DMD: variants seen among roughly 807,000 people sequenced by gnomAD.
The protein encoded by DMD is mutant dystrophin.
Under a neutral mutation model 330.1 loss-of-function variants are expected in DMD, and 63 were observed. The ratio of observed to expected loss-of-function variants is 0.19; its 90% CI spans 0.16 to 0.24. The LOEUF (loss-of-function observed/expected upper bound fraction) is 0.24. Among genes scored for constraint, DMD ranks in the 10% least tolerant of loss-of-function variants. The pLI is 1.00. For synonymous variants in DMD, 1,223 were observed against 959.8 expected (o/e 1.27, Z -5.07); for missense variants, 3,344 against 2,684.1 (o/e 1.25, Z -5.43).
chrX:32,067,993 T>C (rs2096270763), intron 44 of DMD, among the ~76,000 whole-genome samples: 2 of 112,039 alleles, frequency 1.8e-5, no homozygotes, highest in African/African-American at 6.5e-5. Context: ...AGCATCCCCT[T>C]GTCTCTGCGG....
intron 1 of DMD, among the ~76,000 whole-genome samples, chrX:33,289,679 T>C (rs2053485577): frequency 9.0e-6 from 1 of 111,496 alleles, no homozygotes; most frequent in Admixed American, 9.6e-5. Flanking sequence ...TCCTTAAATA[T>C]AACATTCCAG....
At chrX:32,847,933 A>G (rs1041867998) in intron 3 of DMD, among the ~76,000 whole-genome samples, 3 of 112,435 alleles carry the variant, frequency 2.7e-5, no homozygotes, top group Non-Finnish European at 3.7e-5. Context: ...TGCCAACATC[A>G]TAAGTTTAGA....
intron 2 of DMD, among the ~76,000 whole-genome samples, chrX:32,981,074 G>A (rs750588861): frequency 5.4e-5 from 6 of 111,421 alleles, no homozygotes; most frequent in Non-Finnish European, 9.4e-5. Flanking sequence ...GTACATGGAG[G>A]GACAGGGAAA....
At chrX:31,850,367 AC>A (rs1453396366) in intron 48 of DMD, among the ~76,000 whole-genome samples, 1 of 112,265 alleles carries the variant, frequency 8.9e-6, no homozygotes, top group Non-Finnish European at 1.9e-5. Flanking sequence ...AAATCCTAAG[AC>A]ATTTGTGGAT....
chrX:31,442,099 T>C (rs1482119084), intron 60 of DMD, among the ~76,000 whole-genome samples: 2 of 111,937 alleles, frequency 1.8e-5, no homozygotes, highest in Non-Finnish European at 3.8e-5. Context: ...GTTAGAGTTA[T>C]ACAAGGAGAA....
rs192546404 is a variant in DMD at position 32,940,773 on chromosome X, C to T, written c.93+79366G>A. 6.3e-5 allele frequency among the ~76,000 whole-genome samples: 7 copies of T among 111,595 alleles called. No individual in the cohort carries two copies. In the East Asian group the frequency reaches 2.0e-3, roughly 31 times the overall value. On this transcript the variant is annotated intron_variant, in intron 2 of 78. Coordinates refer to ENST00000357033, the MANE Select transcript of DMD (RefSeq NM_004006.3). ...GCATTTATGACTAAATCCTCAAAAG[C>T]AATTGGAGCAAAACCAAAAAATTGA...
chrX:33,075,079 C>T (rs1172506760), intron 1 of DMD, among the ~76,000 whole-genome samples: 3 of 111,793 alleles, frequency 2.7e-5, no homozygotes, highest in African/African-American at 6.5e-5. Context: ...TCACAAGACA[C>T]GCGACTTCCC....
chrX:32,323,627 A>G (rs749934040), intron 41 of DMD, among the ~76,000 whole-genome samples: 1 of 111,875 alleles, frequency 8.9e-6, no homozygotes, highest in Non-Finnish European at 1.9e-5. Flanking sequence ...TTGGCGCAAC[A>G]CTACAGAAAT....
At chrX:31,428,614 C>T (rs1176445602) in intron 60 of DMD, among the ~76,000 whole-genome samples, 2 of 111,881 alleles carry the variant, frequency 1.8e-5, no homozygotes, top group Non-Finnish European at 3.8e-5. Context: ...TGACATTATT[C>T]CAGGTTCCTC....
At chrX:32,828,145 T>G (rs774837307) in intron 4 of DMD, among the ~76,000 whole-genome samples, 5 of 111,900 alleles carry the variant, frequency 4.5e-5, no homozygotes, top group Non-Finnish European at 9.4e-5. Flanking sequence ...TTTATGTTGA[T>G]TCCCCATCTT....
intron 30 of DMD, among the ~76,000 whole-genome samples, chrX:32,404,922 C>T (rs2098108973): frequency 9.0e-6 from 1 of 111,269 alleles, no homozygotes; most frequent in South Asian, 3.7e-4. Context: ...TGCGATAGCT[C>T]TCAGCTATAT....
chrX:32,700,249 A>G (rs1203014302), intron 7 of DMD, among the ~76,000 whole-genome samples: 1 of 111,423 alleles, frequency 9.0e-6, no homozygotes, highest in Non-Finnish European at 1.9e-5. Context: ...TTTAAAAAGA[A>G]GGAAATTTTG....
intron 78 of DMD, among the ~76,000 whole-genome samples, chrX:31,123,141 G>GAGAT (rs1054365386): frequency 1.8e-5 from 2 of 111,580 alleles, no homozygotes; most frequent in Non-Finnish European, 3.8e-5. Context: ...TTTATTTCAA[G>GAGAT]AGATATAGCT....
chrX:32,233,015 T>C (rs2097174231), intron 43 of DMD, among the ~76,000 whole-genome samples: 1 of 112,707 alleles, frequency 8.9e-6, no homozygotes, highest in Non-Finnish European at 1.9e-5. Flanking sequence ...TTGTACATTT[T>C]ATTTCACCAC....
At chrX:32,786,693 A>G (rs1353327945) in intron 7 of DMD, among the ~76,000 whole-genome samples, 1 of 111,893 alleles carries the variant, frequency 8.9e-6, no homozygotes, top group Non-Finnish European at 1.9e-5. Context: ...GTAACCTTTT[A>G]GTTAATGCAA....
intron 57 of DMD, among the ~76,000 whole-genome samples, chrX:31,480,549 CATGTTT>C (rs200530226): frequency 7.7e-4 from 58 of 75,378 alleles, no homozygotes; most frequent in African/African-American, 2.5e-3. Context: ...TTGAAATCTC[CATGTTT>C]GTGTGTGTGT....
At chrX:32,789,282 C>G (rs1444967036) in intron 7 of DMD, among the ~76,000 whole-genome samples, 1 of 112,146 alleles carries the variant, frequency 8.9e-6, no homozygotes, top group Admixed American at 9.5e-5. Context: ...AAGCAGTACT[C>G]CAGTAATTGA....
chrX:31,145,695 C>T (rs1356172008), intron 76 of DMD, among the ~76,000 whole-genome samples: 4 of 101,462 alleles, frequency 3.9e-5, no homozygotes, highest in Admixed American at 1.1e-4. Flanking sequence ...CACAGTCTTG[C>T]TCTGTCGCCC....
At chrX:32,335,706 A>G (rs927768794) in intron 41 of DMD, among the ~76,000 whole-genome samples, 8 of 107,413 alleles carry the variant, frequency 7.4e-5, no homozygotes, top group Non-Finnish European at 1.5e-4. Flanking sequence ...TTATATACAT[A>G]ACATGTATAT....
Sources: allele counts gnomAD v4.1 joint callset (sites outside exome capture counted in the v4.1 genomes callset), GRCh38; gene constraint gnomAD v4.1.1; transcripts MANE v1.5; gene names NCBI Gene and HGNC (gene_info 2026-07-23, HGNC 2026-07-21).